The following SLC26A8 variants were observed in gnomAD, a reference collection of about 807,000 sequenced individuals.
The protein encoded by SLC26A8 is solute carrier family 26 member 8.
Under a neutral mutation model 105.0 loss-of-function variants are expected in SLC26A8, and 70 were observed. That is an observed-to-expected ratio of 0.67 (90% confidence interval 0.55 to 0.81). The LOEUF (loss-of-function observed/expected upper bound fraction) is 0.81. Among genes scored for constraint, SLC26A8 ranks in the 40% least tolerant of loss-of-function variants. SLC26A8 has a pLI of 0.00. For synonymous variants in SLC26A8, 415 were observed against 438.3 expected (o/e 0.95, Z 0.66); for missense variants, 998 against 1,181.8 (o/e 0.84, Z 2.28).
intron 11 of SLC26A8, among the ~76,000 whole-genome samples, chr6:35,964,627 A>G (rs1443418377): frequency 6.6e-6 from 1 of 151,510 alleles, no homozygotes; most frequent in Non-Finnish European, 1.5e-5. Flanking sequence ...AGACTGGGTG[A>G]CAGAGTGAGA....
rs745636542 is a variant in SLC26A8, at chr6:35,977,370, A to G, written c.1026-19T>C. ...CAGAAAGCTGGAATAGAATAGTGGA[A>G]TTATTTCTGGATAGCAGGAATCCTT... On this transcript the variant is annotated intron_variant, in intron 8 of 19. Coordinates refer to ENST00000490799, the MANE Select transcript of SLC26A8 (RefSeq NM_052961.4). 2 of 1,608,130 alleles carry G rather than the reference A, an allele frequency of 1.2e-6. No individual in the cohort carries two copies. Among genetic ancestry groups the G allele is most frequent in the Non-Finnish European group, 1.7e-6 (2 of 1,177,394 alleles).
intron 7 of SLC26A8, among the ~76,000 whole-genome samples, chr6:35,987,372 C>T (rs1773563476): frequency 1.3e-5 from 2 of 151,980 alleles, no homozygotes. Context: ...CTAGGGATTC[C>T]ATTTCCTTTT....
chr6:35,946,667 A>AT (rs916981408), intron 19 of SLC26A8, among the ~76,000 whole-genome samples: 4 of 152,176 alleles, frequency 2.6e-5, no homozygotes, highest in Admixed American at 6.5e-5. Context: ...TTAGGAAAAT[A>AT]TTTTTTAAAA....
chr6:35,991,232 C>T (rs1761141434), intron 7 of SLC26A8, among the ~76,000 whole-genome samples: 1 of 111,658 alleles, frequency 9.0e-6, no homozygotes, highest in Non-Finnish European at 2.1e-5. Flanking sequence ...GAAACCCTGT[C>T]TCTATTAAAA....
At chr6:36,011,985 G>GA (rs1366458635) in intron 3 of SLC26A8, among the ~76,000 whole-genome samples, 1 of 152,110 alleles carries the variant, frequency 6.6e-6, no homozygotes, top group East Asian at 1.9e-4. Context: ...CTAGTGAAGG[G>GA]AAAAAATAAC....
chr6:35,997,834 G>A lies in SLC26A8; in HGVS notation c.531C>T (p.Phe177=), dbSNP rs780914035. 12 of 1,614,018 alleles carry A rather than the reference G, an allele frequency of 7.4e-6. No homozygotes were observed. Among genetic ancestry groups the A allele is most frequent in the East Asian group, 4.5e-5 (2 of 44,880 alleles). Residue 177 remains phenylalanine (F), a synonymous_variant, in exon 5 of 20, where the codon TTC becomes TTT. Coordinates refer to ENST00000490799, the MANE Select transcript of SLC26A8 (RefSeq NM_052961.4). ...AGGGGGCCGAAAACTCATTCTTGAC[G>A]AAAGATCCCATGACCAGTTGACCGT... ...FNNGQLVMGS[F]VKNEFSAPSY...
chr6:36,012,236 G>A lies in SLC26A8; in HGVS notation c.325C>T (p.Gln109Ter). 1 of 1,611,736 alleles carries A rather than the reference G, an allele frequency of 6.2e-7. No homozygotes were observed. Among genetic ancestry groups the A allele is most frequent in the Non-Finnish European group, 8.5e-7 (1 of 1,179,278 alleles). ...ACAGGCTTCATATCTTCCTTACCTT[G>A]GGGAACTTGCACAAGGCCAACACTT... The part of the protein sequence containing the change: ...GISVGLVQVP[Q>*]GLTLSLLARQ... The change falls in exon 3 of 20, where the codon CAA becomes TAA. Residue 109 changes from glutamine (Q) to a stop codon, truncating the protein, a stop_gained. Coordinates refer to ENST00000490799, the MANE Select transcript of SLC26A8 (RefSeq NM_052961.4). LOFTEE classifies it high-confidence loss of function.
chr6:36,024,525 G>A lies in SLC26A8; in HGVS notation c.-24C>T. ...TCACCTGGCTCCTTGGCGGGGGCGG[G>A]AGTGCGGGCGCTGGGATCCCACACG... On this transcript the variant is annotated 5_prime_UTR_variant, in exon 1 of 20. Transcript: ENST00000490799. The A allele has an allele frequency of 2.3e-6, 1 of 430,926 alleles. No homozygotes were observed. 26.7% of individuals were successfully genotyped at this position (430,926 alleles called of 1,614,324 possible).
At chr6:35,969,238 A>C in intron 10 of SLC26A8, 1 of 340,314 alleles carries the variant, frequency 2.9e-6, no homozygotes, top group Non-Finnish European at 5.6e-6. Flanking sequence ...CTGTGCTATG[A>C]ATCTGAATTC....
At chr6:35,995,488 T>G (rs1438242277) in intron 5 of SLC26A8, among the ~76,000 whole-genome samples, 3 of 152,220 alleles carry the variant, frequency 2.0e-5, no homozygotes, top group African/African-American at 4.8e-5. Context: ...ATATGAATAT[T>G]ATTTTATGCT....
chr6:35,992,645 G>A lies in SLC26A8; in HGVS notation c.657C>T (p.Phe219=). The A allele has an allele frequency of 2.5e-6, 4 of 1,613,410 alleles. No individual in the cohort carries two copies. Among genetic ancestry groups the A allele is most frequent in the Non-Finnish European group, 3.4e-6 (4 of 1,179,722 alleles). Residue 219 remains phenylalanine, a synonymous_variant, in exon 6 of 20, where the codon TTC becomes TTT. Transcript: ENST00000490799. Reference sequence around the variant, plus strand: ...CAGACTCCGGAAGGTAAGTGGCAATGAAGCCCAAACCCAATACGCCCATTA... The same window carrying A: ...CAGACTCCGGAAGGTAAGTGGCAATAAAGCCCAAACCCAATACGCCCATTA... ...QLIMGVLGLG[F]IATYLPESAM... is the part of the protein sequence containing the mutation.
In SLC26A8 at chr6:35,951,285, G is replaced by A; in HGVS notation, c.2350C>T (p.Leu784=). ...FFDAGITKTQ[L]FLSVHDAVLF... ...ACGGCGTCGTGAACGCTGAGGAACA[G>A]CTGGGTCTTGGTGATGCCAGCGTCA... The change falls in exon 19 of 20, where the codon CTG becomes TTG. Residue 784 remains leucine (L), a synonymous_variant. Transcript: ENST00000490799. 2 of 1,614,150 alleles carry A rather than the reference G, an allele frequency of 1.2e-6. No homozygotes were observed. Among genetic ancestry groups the A allele is most frequent in the Non-Finnish European group, 1.7e-6 (2 of 1,180,046 alleles).
chr6:35,977,257 A>G lies in SLC26A8; in HGVS notation c.1120T>C (p.Phe374Leu). 6.2e-7 allele frequency: 1 copy of G among 1,614,160 alleles called. No individual in the cohort carries two copies. Residue 374 changes from phenylalanine to leucine, a missense_variant, in exon 9 of 20, where the codon TTT becomes CTT. By Grantham distance (22) the Phe-to-Leu change is conservative. Coordinates refer to ENST00000490799, the MANE Select transcript of SLC26A8 (RefSeq NM_052961.4). ...AGACTGGCAATCTTCTTGCCCAGAA[A>G]TATGAGCAGAAAGGAGCTCACCAAA... is the stretch of plus-strand genomic sequence containing the variant. ...LSLVSSFLLIFLGKKIASLHN... is the reference protein window; with the variant it reads ...LSLVSSFLLILLGKKIASLHN...
At chr6:36,008,268 T>C (rs895002043) in intron 3 of SLC26A8, among the ~76,000 whole-genome samples, 1 of 152,096 alleles carries the variant, frequency 6.6e-6, no homozygotes. Flanking sequence ...CACTCCTGCC[T>C]GGGTGACAGA....
Position 35,981,055 on chromosome 6 carries a change from A to C in SLC26A8, c.1025+1066T>G, listed in dbSNP as rs1773246404. On this transcript the variant is annotated intron_variant, in intron 8 of 19. Transcript: ENST00000490799. The surrounding 1 kb of genome is among the most constrained non-coding windows in gnomAD (Gnocchi z 4.0). ...ACATTTTGTGATCCTGGAGTTTAGC[A>C]AGTATGCTTCACTCTTTACAGGATT... is the stretch of plus-strand genomic sequence containing the variant. 6.6e-6 allele frequency among the ~76,000 whole-genome samples: 1 copy of C among 152,086 alleles called. No homozygotes were observed. The highest frequency in any genetic ancestry group is 2.1e-4 in the South Asian group (1 of 4,824).
In SLC26A8 at chr6:35,983,853, C is replaced by T. The variant is rs576824812; in HGVS notation, c.943-1650G>A. On this transcript the variant is annotated intron_variant, in intron 7 of 19. Transcript: ENST00000490799. ...TACAGGCGTGAGCCACTGTGCCTGG[C>T]CGAGTCTGCTCTCTTAAGTACAGAT... Among the ~76,000 whole-genome samples, 4 of 152,224 alleles carry T rather than the reference C, an allele frequency of 2.6e-5. No homozygotes were observed. The South Asian group carries it at 8.3e-4, about 32-fold the overall frequency.
At chr6:36,001,168 G>A (rs1354383636) in intron 3 of SLC26A8, among the ~76,000 whole-genome samples, 5 of 151,426 alleles carry the variant, frequency 3.3e-5, no homozygotes, top group Non-Finnish European at 7.4e-5. Context: ...TTGCTCTGTT[G>A]CCCAGGCTGG....
rs145323723 is a variant in SLC26A8 at position 35,958,670 on chromosome 6, G to GTGGA, written c.1863+786_1863+789dup. Among the ~76,000 whole-genome samples the GTGGA allele has an allele frequency of 4.1e-3, 626 of 152,234 alleles. 3 individuals carry two copies. Among genetic ancestry groups the GTGGA allele is most frequent in the African/African-American group, 0.014 (598 of 41,532 alleles). The stretch of plus-strand genomic sequence containing the variant: ...TCCATTAGAATGTATGGGAACAAGA[G>GTGGA]TGGATGCTCAGGGTTTTGCAAGCAC... On this transcript the variant is annotated intron_variant, in intron 16 of 19. Coordinates refer to ENST00000490799, the MANE Select transcript of SLC26A8 (RefSeq NM_052961.4).
At chr6:35,983,112 G>T (rs773742968) in intron 7 of SLC26A8, among the ~76,000 whole-genome samples, 1 of 152,202 alleles carries the variant, frequency 6.6e-6, no homozygotes, top group Non-Finnish European at 1.5e-5. Context: ...TACTGCAGGA[G>T]TTCAACCAGA....
Sources: allele counts gnomAD v4.1 joint callset (sites outside exome capture counted in the v4.1 genomes callset), GRCh38; gene constraint gnomAD v4.1.1; non-coding constraint Gnocchi (gnomAD v3.1); transcripts MANE v1.5; gene names NCBI Gene and HGNC (gene_info 2026-07-23, HGNC 2026-07-21).